Variants in ZBTB20 observed in about 807,000 individuals in gnomAD.
The protein encoded by ZBTB20 is zinc finger and BTB domain containing 20.
A neutral mutation model predicts 56.9 loss-of-function variants in ZBTB20; 9 were observed. The observed-to-expected ratio is 0.16, with a 90% CI of 0.10 to 0.28. ZBTB20 has a LOEUF of 0.28. Among genes scored for constraint, ZBTB20 ranks in the 10% least tolerant of loss-of-function variants. The pLI is 1.00. For missense variants in ZBTB20, 655 were observed against 1,003.0 expected, an observed-to-expected ratio of 0.65 and a Z score of 4.69; for synonymous variants, 417 against 420.7, an observed-to-expected ratio of 0.99 and a Z score of 0.11.
intron 6 of ZBTB20, among the ~76,000 whole-genome samples, chr3:114,595,694 C>T (rs147579112): frequency 1.3e-5 from 2 of 152,192 alleles, no homozygotes; most frequent in Non-Finnish European, 2.9e-5. Context: ...GTCTTGCATG[C>T]TTATCCTAGG....
intron 4 of ZBTB20, among the ~76,000 whole-genome samples, chr3:114,847,887 A>C (rs960986399): frequency 6.6e-6 from 1 of 152,192 alleles, no homozygotes; most frequent in African/African-American, 2.4e-5. Context: ...ATGTGAATTA[A>C]CTATATACAT....
At chr3:114,876,969 C>T (rs1207673265) in intron 4 of ZBTB20, among the ~76,000 whole-genome samples, 1 of 152,134 alleles carries the variant, frequency 6.6e-6, no homozygotes, top group African/African-American at 2.4e-5. Context: ...TGCTCCTAAA[C>T]AGAACTATGC....
At chr3:114,365,627 A>T (rs534832099) in intron 10 of ZBTB20, among the ~76,000 whole-genome samples, 2 of 152,344 alleles carry the variant, frequency 1.3e-5, no homozygotes, top group Admixed American at 1.3e-4. Flanking sequence ...GGGGTTGCAG[A>T]AAACTGTGCA....
At chr3:114,836,922 A>G (rs1371701566) in intron 4 of ZBTB20, among the ~76,000 whole-genome samples, 1 of 152,190 alleles carries the variant, frequency 6.6e-6, no homozygotes, top group African/African-American at 2.4e-5. Flanking sequence ...CAAAACCATG[A>G]CCAGTAAGTC....
intron 6 of ZBTB20, among the ~76,000 whole-genome samples, chr3:114,680,033 G>A (rs2061875255): frequency 6.6e-6 from 1 of 152,102 alleles, no homozygotes. Context: ...ACTAACACAG[G>A]AACAGAAAAC....
intron 7 of ZBTB20, among the ~76,000 whole-genome samples, chr3:114,405,553 T>C (rs2087238341): frequency 6.6e-6 from 1 of 152,176 alleles, no homozygotes; most frequent in African/African-American, 2.4e-5. Context: ...CTTTTATATA[T>C]GTATACAATT....
Position 114,380,908 on chromosome 3 carries a change from T to A in ZBTB20, c.-121A>T. 1 of 750,220 alleles carries A rather than the reference T, an allele frequency of 1.3e-6. No individual in the cohort carries two copies. The highest frequency in any genetic ancestry group is 1.9e-6 in the Non-Finnish European group (1 of 516,232). The allele number at this position is 750,220 out of a possible 1,614,324, so 46.5% of individuals were successfully genotyped here. A position where few individuals can be genotyped will look rare whatever the true frequency, so the allele number is the denominator to read the frequency against. ...AACTTGCTGTGTGGCCTTGGGCACC[T>A]CACTTCACCTCTCTGGGCTTCAGTT... On this transcript the variant is annotated 5_prime_UTR_variant, in exon 9 of 12. It removes the in-frame stop codon of an upstream open reading frame in the 5' UTR. Transcript: ENST00000675478.
chr3:114,748,322 C>CTTTCTTTCTTTCT lies in ZBTB20; in HGVS notation c.-343+52766_-343+52778dup, dbSNP rs1553807196. 2.7e-3 allele frequency among the ~76,000 whole-genome samples: 313 copies of CTTTCTTTCTTTCT among 114,254 alleles called. 1 individual carries two copies. The highest frequency in any genetic ancestry group is 4.3e-3 in the Middle Eastern group (1 of 232). 75.0% of individuals were successfully genotyped at this position (114,254 alleles called of 152,430 possible). ...TCTTTCTTTCTTTCTTTCTTTCTTTCTTTCTTTCTTTCTTCTTTCTTTCTT... is the reference window on the plus strand; with the variant it reads ...TCTTTCTTTCTTTCTTTCTTTCTTTCTTTCTTTCTTTCTTTTCTTTCTTTCTTCTTTCTTTCTT... On this transcript the variant is annotated intron_variant, in intron 5 of 11. Coordinates refer to ENST00000675478, the MANE Select transcript of ZBTB20 (RefSeq NM_001348800.3).
chr3:114,598,546 G>A (rs917266757), intron 6 of ZBTB20, among the ~76,000 whole-genome samples: 2 of 151,922 alleles, frequency 1.3e-5, no homozygotes, highest in Non-Finnish European at 2.9e-5. Flanking sequence ...TTTTCTTCTG[G>A]AAGTATATGT....
Position 114,384,735 on chromosome 3 carries a change from T to C in ZBTB20, c.-153-3795A>G, listed in dbSNP as rs530089982. 2.1e-4 allele frequency among the ~76,000 whole-genome samples: 32 copies of C among 152,336 alleles called. 2 individuals carry two copies. The South Asian group carries it at 6.2e-3, about 30-fold the overall frequency. ...CAGCAAGAAGTTTTAGGCTGAAACA[T>C]AGCAGTGAGTAAGGCTGTGGAGGAT... On this transcript the variant is annotated intron_variant, in intron 8 of 11. Coordinates refer to ENST00000675478, the MANE Select transcript of ZBTB20 (RefSeq NM_001348800.3).
At chr3:114,565,072 G>A (rs139030427) in intron 6 of ZBTB20, among the ~76,000 whole-genome samples, 1 of 152,198 alleles carries the variant, frequency 6.6e-6, no homozygotes, top group East Asian at 1.9e-4. Flanking sequence ...TCCTTGTCCT[G>A]CTGGAAACTA....
At chr3:114,439,147 G>T (rs1466188139) in intron 7 of ZBTB20, among the ~76,000 whole-genome samples, 2 of 151,996 alleles carry the variant, frequency 1.3e-5, no homozygotes, top group Non-Finnish European at 2.9e-5. Context: ...ATCAATGTCT[G>T]GGAATTCAAA....
At chr3:114,625,079 G>A (rs1305837103) in intron 6 of ZBTB20, 1 of 152,940 alleles carries the variant, frequency 6.5e-6, no homozygotes, top group Non-Finnish European at 1.5e-5. Context: ...TAGCAGGGGG[G>A]TTTAGGTCAG....
At chr3:114,616,739 A>G (rs551771768) in intron 6 of ZBTB20, among the ~76,000 whole-genome samples, 3 of 152,270 alleles carry the variant, frequency 2.0e-5, no homozygotes, top group Admixed American at 2.0e-4. Flanking sequence ...ACTAAATCCA[A>G]CTGCCAGTCT....
intron 6 of ZBTB20, chr3:114,688,150 A>C (rs902875825): frequency 6.6e-6 from 1 of 152,158 alleles, no homozygotes; most frequent in Admixed American, 6.5e-5. Flanking sequence ...GAATCACTTG[A>C]ACCGGGGGGA....
At chr3:115,117,708 ATGTAAT>A (rs1340431962) in intron 1 of ZBTB20, among the ~76,000 whole-genome samples, 1 of 152,062 alleles carries the variant, frequency 6.6e-6, no homozygotes, top group Non-Finnish European at 1.5e-5. Context: ...ATATTTAGTT[ATGTAAT>A]CCATCTGATA....
intron 6 of ZBTB20, among the ~76,000 whole-genome samples, chr3:114,597,171 T>C (rs1427693607): frequency 6.6e-6 from 1 of 152,134 alleles, no homozygotes; most frequent in African/African-American, 2.4e-5. Context: ...CACAAATGTG[T>C]CCTCTGACAT....
At chr3:114,902,402 T>C (rs940662330) in intron 3 of ZBTB20, among the ~76,000 whole-genome samples, 1 of 152,136 alleles carries the variant, frequency 6.6e-6, no homozygotes, top group African/African-American at 2.4e-5. Context: ...GAGCTAACAA[T>C]TTAAAAACAC....
chr3:114,810,089 G>A (rs1252471701), intron 4 of ZBTB20, among the ~76,000 whole-genome samples: 1 of 152,192 alleles, frequency 6.6e-6, no homozygotes, highest in Non-Finnish European at 1.5e-5. Flanking sequence ...ATATACGTGT[G>A]TGTGGGTTGT....
Sources: gnomAD v4.1 joint callset for allele counts (sites outside exome capture counted in the v4.1 genomes callset) on GRCh38, gnomAD v4.1.1 for gene constraint, MANE v1.5 for transcripts, NCBI Gene and HGNC (gene_info 2026-07-23, HGNC 2026-07-21) for gene names.